Variants in FAM234A observed in about 807,000 individuals in gnomAD.
FAM234A encodes family with sequence similarity 234 member A, also known as protein FAM234A.
A neutral mutation model predicts 49.1 loss-of-function variants in FAM234A; 42 were observed. The ratio of observed to expected loss-of-function variants is 0.86; its 90% confidence interval spans 0.67 to 1.11. The LOEUF is 1.11. Ranked by LOEUF, FAM234A falls within the 50% of genes least tolerant of loss-of-function variation. The pLI, the probability that FAM234A is intolerant of heterozygous loss-of-function variation, is 0.00. For synonymous variants in FAM234A, 369 were observed against 316.2 expected, an observed-to-expected ratio of 1.17 and a Z score of -1.77; for missense variants, 815 against 745.2, an observed-to-expected ratio of 1.09 and a Z score of -1.09.
At chr16:263,185 G>T in intron 8 of FAM234A, 77 bp from the exon 9 acceptor site, 1 of 1,546,078 alleles carries the variant, frequency 6.5e-7, no homozygotes, top group Non-Finnish European at 8.8e-7. Flanking sequence ...CCTGAGACGG[G>T]CGGTGCCAGA....
intron 1 of FAM234A, among the ~76,000 whole-genome samples, chr16:244,982 G>A (rs550428919): frequency 3.7e-4 from 56 of 152,018 alleles, no homozygotes; most frequent in African/African-American, 1.3e-3. Flanking sequence ...ATGAGCCATC[G>A]CGCTCGACCA....
At chr16:263,551 C>T in intron 9 of FAM234A, 149 bp downstream of exon 9, 1 of 1,301,306 alleles carries the variant, frequency 7.7e-7, no homozygotes, top group Non-Finnish European at 1.1e-6. Flanking sequence ...CTGGTACTTG[C>T]CCCTTGCCCC....
chr16:241,080 C>T (rs1401680602), intron 1 of FAM234A, among the ~76,000 whole-genome samples: 2 of 151,916 alleles, frequency 1.3e-5, no homozygotes, highest in South Asian at 2.1e-4. Context: ...CCACCATACC[C>T]GGCTAGTTTT....
Position 262,195 on chromosome 16 carries a change from A to ACATGTGGGCAC in FAM234A, c.813_814insTGTGGGCACCA (p.Gly272CysfsTer22). 6.2e-7 allele frequency: 1 copy of ACATGTGGGCAC among 1,613,930 alleles called. No individual in the cohort carries two copies. The highest frequency in any genetic ancestry group is 8.5e-7 in the Non-Finnish European group (1 of 1,180,006). On this transcript the variant is annotated frameshift_variant, in exon 7 of 13. Coordinates refer to ENST00000399932, the MANE Select transcript of FAM234A (RefSeq NM_032039.4). LOFTEE classifies it high-confidence loss of function. ...TGGCTTCCTCCTTCACGTCACCAGG[A>ACATGTGGGCAC]CAGGTGCCCACTACATCCTCTTTCC...
At chr16:263,667 C>T (rs776381217) in intron 9 of FAM234A, 33 bp from the exon 10 acceptor site, 2 of 1,540,690 alleles carry the variant, frequency 1.3e-6, no homozygotes, top group Non-Finnish European at 1.8e-6. Flanking sequence ...CTCACTGAGA[C>T]CCCTCGTGAG....
chr16:248,285 G>A (rs1244892178), intron 1 of FAM234A: 1 of 151,990 alleles, frequency 6.6e-6, no homozygotes, highest in Non-Finnish European at 1.5e-5. Context: ...CTTTCGGCCA[G>A]GCTCTCCAAT....
At chr16:247,962 C>T (rs2050872785) in intron 1 of FAM234A, among the ~76,000 whole-genome samples, 1 of 152,086 alleles carries the variant, frequency 6.6e-6, no homozygotes, top group Non-Finnish European at 1.5e-5. Context: ...TCTGGGAACC[C>T]TCTCAGAGTG....
intron 3 of FAM234A, among the ~76,000 whole-genome samples, chr16:258,522 A>G (rs532280444): frequency 6.6e-6 from 1 of 152,240 alleles, no homozygotes; most frequent in Admixed American, 6.5e-5. Context: ...TTCTTAGTAC[A>G]GAACAAAATG....
chr16:254,605 C>G lies in FAM234A; in HGVS notation c.192C>G (p.Phe64Leu). The change falls in exon 3 of 13, where the codon TTC becomes TTG. Residue 64 changes from phenylalanine to leucine, a missense_variant. Transcript: ENST00000399932. ...LSLFLCLFVV[F>L]VVSFVIPCPD... ...TGTTTCTCTGCCTTTTTGTGGTGTTCGTCGTCTCATTCGTCATCCCGTGTC... is the reference window on the plus strand; with the variant it reads ...TGTTTCTCTGCCTTTTTGTGGTGTTGGTCGTCTCATTCGTCATCCCGTGTC... The G allele has an allele frequency of 6.3e-7, 1 of 1,593,930 alleles. No individual in the cohort carries two copies. Among genetic ancestry groups the G allele is most frequent in the South Asian group, 1.1e-5 (1 of 90,750 alleles).
At chr16:254,748 G>C in intron 3 of FAM234A, 67 bp downstream of exon 3, 1 of 1,507,666 alleles carries the variant, frequency 6.6e-7, no homozygotes. Flanking sequence ...GGCGGAGGGG[G>C]CAGAACTGTG....
intron 2 of FAM234A, 122 bp from the exon 3 acceptor site, chr16:254,259 T>C: frequency 8.2e-6 from 6 of 727,648 alleles, no homozygotes; most frequent in Non-Finnish European, 1.4e-5. Context: ...TTTCCTGGGC[T>C]GGTGGCCCAT....
At chr16:267,939 ACAAT>A (rs1246019025), downstream of FAM234A, among the ~76,000 whole-genome samples, 7 of 149,242 alleles carry the variant, frequency 4.7e-5, no homozygotes, top group African/African-American at 1.3e-4. Flanking sequence ...TGCACTACAC[ACAAT>A]CACACATGCT....
intron 2 of FAM234A, among the ~76,000 whole-genome samples, chr16:251,745 T>C (rs2051022133): frequency 7.1e-6 from 1 of 141,838 alleles, no homozygotes; most frequent in Non-Finnish European, 1.5e-5. Flanking sequence ...GGCTCATGCC[T>C]GTAATCCCAG....
chr16:254,212 G>GT, intron 2 of FAM234A, 169 bp from the exon 3 acceptor site: 1 of 653,334 alleles, frequency 1.5e-6, no homozygotes, highest in African/African-American at 1.8e-5. Context: ...AGTATAATCT[G>GT]TTAAGACTGA....
chr16:238,765 C>CAA (rs34366851), intron 1 of FAM234A, among the ~76,000 whole-genome samples: 979 of 37,478 alleles, frequency 0.026, 41 homozygotes, highest in East Asian at 0.1. Flanking sequence ...GACTCCGTCT[C>CAA]AAAAAAAAAA....
intron 8 of FAM234A, 78 bp downstream of exon 8, chr16:262,631 ATC>A (rs2051516320): frequency 7.0e-7 from 1 of 1,437,636 alleles, no homozygotes; most frequent in South Asian, 1.4e-5. Context: ...CGTTCGGACA[ATC>A]TGTGTGGAGC....
chr16:254,756 GTGTC>G, intron 3 of FAM234A, 75 bp downstream of exon 3: 1 of 1,438,464 alleles, frequency 7.0e-7, no homozygotes, highest in Non-Finnish European at 9.5e-7. Flanking sequence ...GGGCAGAACT[GTGTC>G]TGCGAGTCTA....
In FAM234A at chr16:265,163, A is replaced by C. The variant is rs2051649703; in HGVS notation, c.*141A>C. On this transcript the variant is annotated 3_prime_UTR_variant, in exon 13 of 13. Transcript: ENST00000399932. ...GTCGCCACTGGGCAGCAGCAGCCTTACCAGTCCTCCATGATCACACCCAGG... is the reference window on the plus strand; with the variant it reads ...GTCGCCACTGGGCAGCAGCAGCCTTCCCAGTCCTCCATGATCACACCCAGG... The C allele has an allele frequency of 2.1e-6, 3 of 1,432,314 alleles. No homozygotes were observed. Among genetic ancestry groups the C allele is most frequent in the Non-Finnish European group, 2.7e-6 (3 of 1,096,750 alleles). The allele number at this position is 1,432,314 out of a possible 1,614,324, so 88.7% of individuals were successfully genotyped here.
chr16:238,570 T>C (rs556755760), intron 1 of FAM234A, among the ~76,000 whole-genome samples: 163 of 151,592 alleles, frequency 1.1e-3, no homozygotes, highest in Non-Finnish European at 1.8e-3. Flanking sequence ...ATCGAGACCA[T>C]CCTGGCTAAC....
Sources: gnomAD v4.1 joint callset for allele counts (sites outside exome capture counted in the v4.1 genomes callset) on GRCh38, gnomAD v4.1.1 for gene constraint, MANE v1.5 for transcripts, NCBI Gene and HGNC (gene_info 2026-07-23, HGNC 2026-07-21) for gene names.